ABI1: variants seen among roughly 807,000 people sequenced by gnomAD.
The protein encoded by ABI1 is Abelson interactor 1.
A neutral mutation model predicts 54.6 loss-of-function variants in ABI1; 14 were observed. That is an observed-to-expected ratio of 0.26 (90% CI 0.17 to 0.40). ABI1 has a LOEUF of 0.40. Among genes scored for constraint, ABI1 ranks in the 10% least tolerant of loss-of-function variants. The pLI is 1.00. For missense variants in ABI1, 443 were observed against 598.3 expected (o/e 0.74, Z 2.71); for synonymous variants, 194 against 209.3 (o/e 0.93, Z 0.63).
At position 26,786,629 on chromosome 10, in the gene ABI1, T is replaced by C. The variant is rs143291749; in HGVS notation, c.286-9388A>G. Among the ~76,000 whole-genome samples the C allele has an allele frequency of 3.6e-3, 546 of 152,280 alleles. 5 individuals are homozygous for C. The highest frequency in any genetic ancestry group is 0.029 in the East Asian group (152 of 5,174). The stretch of plus-strand genomic sequence containing the variant: ...TTAAGTTGAGGAATCCCTAACTCCA[T>C]AGAAGGGAAAATATTGAGATTTCAA... On this transcript the variant is annotated intron_variant, in intron 2 of 10. Coordinates refer to ENST00000376140, the MANE Select transcript of ABI1 (RefSeq NM_001012750.3).
intron 8 of ABI1, among the ~76,000 whole-genome samples, chr10:26,756,096 G>A (rs1009268763): frequency 1.8e-4 from 28 of 152,204 alleles, no homozygotes; most frequent in African/African-American, 6.0e-4. Context: ...TTCTAAAATA[G>A]GTAACAATGA....
At chr10:26,823,758 C>A (rs895468807) in intron 1 of ABI1, among the ~76,000 whole-genome samples, 1 of 152,136 alleles carries the variant, frequency 6.6e-6, no homozygotes, top group African/African-American at 2.4e-5. Context: ...ATGATTCAAG[C>A]CTATCATGCC....
intron 2 of ABI1, among the ~76,000 whole-genome samples, chr10:26,794,511 G>A (rs1345263801): frequency 6.6e-6 from 1 of 151,746 alleles, no homozygotes; most frequent in African/African-American, 2.4e-5. Context: ...GGATTTAATA[G>A]GTGGTTGTAC....
intron 1 of ABI1, among the ~76,000 whole-genome samples, chr10:26,825,565 G>A (rs529839432): frequency 1.3e-5 from 2 of 152,166 alleles, no homozygotes; most frequent in Non-Finnish European, 2.9e-5. Flanking sequence ...GGAGGCTGAG[G>A]CAGGAGAATC....
In ABI1 at chr10:26,770,252, T is replaced by C. The variant is rs1219088186; in HGVS notation, c.571A>G (p.Thr191Ala). Residue 191 changes from threonine (T) to alanine (A), a missense_variant, in exon 5 of 11, where the codon ACA becomes GCA. This residue lies in a region of ABI1 where 394 missense variants were observed against 484.8 expected (regional missense o/e 0.81). Transcript: ENST00000376140. ...ATGTAGTTGAATTCTTACCCCAGTG[T>C]TCCCCGGCCTGACATGGGAGGACTT... ...PPSPPMSGRGTLGRNTPYKTL... is the reference protein window; with the variant it reads ...PPSPPMSGRGALGRNTPYKTL... 1.2e-6 allele frequency: 2 copies of C among 1,613,390 alleles called. No homozygotes were observed. Among genetic ancestry groups the C allele is most frequent in the African/African-American group, 2.7e-5 (2 of 74,924 alleles).
At chr10:26,765,032 T>C (rs1251940344) in intron 7 of ABI1, among the ~76,000 whole-genome samples, 186 bp downstream of exon 7, 1 of 142,716 alleles carries the variant, frequency 7.0e-6, no homozygotes, top group African/African-American at 2.7e-5. Flanking sequence ...AAACAGCTGG[T>C]GAAATCCTAA....
chr10:26,801,758 C>T (rs1460527166), intron 2 of ABI1, among the ~76,000 whole-genome samples: 1 of 152,162 alleles, frequency 6.6e-6, no homozygotes, highest in South Asian at 2.1e-4. Flanking sequence ...CTGCATCATA[C>T]TCCTCCAAAG....
At chr10:26,766,056 T>C (rs1465099581) in intron 6 of ABI1, among the ~76,000 whole-genome samples, 3 of 152,176 alleles carry the variant, frequency 2.0e-5, no homozygotes, top group Middle Eastern at 3.2e-3. Flanking sequence ...GTACAAATGA[T>C]GTGGAAGTAA....
chr10:26,839,812 T>A, intron 1 of ABI1: 1 of 699,958 alleles, frequency 1.4e-6, no homozygotes, highest in South Asian at 1.5e-5. Flanking sequence ...TAAATAAATC[T>A]TTAAAGTTTG....
chr10:26,812,077 T>C (rs1564529723), intron 2 of ABI1, among the ~76,000 whole-genome samples: 1 of 152,170 alleles, frequency 6.6e-6, no homozygotes, highest in Non-Finnish European at 1.5e-5. Flanking sequence ...CTTCTGCTCT[T>C]CTATGTCAAA....
intron 1 of ABI1, among the ~76,000 whole-genome samples, chr10:26,831,098 T>C (rs758015525): frequency 2.0e-5 from 3 of 152,120 alleles, no homozygotes; most frequent in Non-Finnish European, 4.4e-5. Context: ...TTTTTTTAAG[T>C]TTTCTACCAT....
chr10:26,859,263 T>A (rs781129778), intron 1 of ABI1, among the ~76,000 whole-genome samples: 6 of 152,034 alleles, frequency 3.9e-5, no homozygotes, highest in Non-Finnish European at 7.4e-5. Context: ...ATTGTGAAGA[T>A]AAATTCCGAG....
chr10:26,768,825 G>A (rs1477856173), intron 6 of ABI1, 27 bp downstream of exon 6: 2 of 1,599,078 alleles, frequency 1.3e-6, no homozygotes, highest in South Asian at 2.2e-5. Context: ...CTTTAGAGAT[G>A]TTGAGATACT....
intron 1 of ABI1, among the ~76,000 whole-genome samples, chr10:26,842,638 A>T (rs1219525312): frequency 6.6e-6 from 1 of 152,240 alleles, no homozygotes; most frequent in Non-Finnish European, 1.5e-5. Flanking sequence ...CAGTACAAAA[A>T]TGTGTACAAT....
rs1836959401 is a variant in ABI1, at chr10:26,746,712, T to TTGA, written c.*1855_*1857dup. The TTGA allele has an allele frequency of 2.0e-6, 1 of 506,410 alleles. No homozygotes were observed. Among genetic ancestry groups the TTGA allele is most frequent in the Non-Finnish European group, 3.6e-6 (1 of 279,496 alleles). The allele number at this position is 506,410 out of a possible 1,614,324, so 31.4% of individuals were successfully genotyped here. On this transcript the variant is annotated 3_prime_UTR_variant, in exon 11 of 11. Transcript: ENST00000376140. ...TCCTATAAATTATAATCAAGGTATC[T>TTGA]TGATGGTTATATGTGGTATTGTTTA...
chr10:26,823,943 A>G (rs577222875), intron 1 of ABI1, among the ~76,000 whole-genome samples: 4 of 151,818 alleles, frequency 2.6e-5, no homozygotes, highest in Non-Finnish European at 5.9e-5. Context: ...AAGAGTAAAT[A>G]TCACTAACAT....
intron 1 of ABI1, among the ~76,000 whole-genome samples, chr10:26,857,994 A>C (rs1399659608): frequency 6.6e-6 from 1 of 152,204 alleles, no homozygotes; most frequent in Non-Finnish European, 1.5e-5. Context: ...ACTTAAATGC[A>C]CCACAGCCAA....
chr10:26,771,367 G>A (rs1179928759), intron 3 of ABI1, among the ~76,000 whole-genome samples: 1 of 152,062 alleles, frequency 6.6e-6, no homozygotes, highest in African/African-American at 2.4e-5. Context: ...TCAGTATTTT[G>A]TCCTATGGAA....
At chr10:26,806,281 A>G (rs1387442146) in intron 2 of ABI1, among the ~76,000 whole-genome samples, 1 of 152,234 alleles carries the variant, frequency 6.6e-6, no homozygotes, top group African/African-American at 2.4e-5. Context: ...TGATCTATCA[A>G]TAAAATACTT....
Sources: allele counts gnomAD v4.1 joint callset (sites outside exome capture counted in the v4.1 genomes callset), GRCh38; gene constraint gnomAD v4.1.1; regional missense constraint gnomAD v4.1.1; transcripts MANE v1.5; gene names NCBI Gene and HGNC (gene_info 2026-07-23, HGNC 2026-07-21).